Variants in EYS observed in about 807,000 individuals in gnomAD.
EYS encodes EGF-like photoreceptor maintenance factor.
In EYS, 250 loss-of-function variants were observed where a neutral mutation model predicts 282.1. That is an observed-to-expected ratio of 0.89 (90% CI 0.80 to 0.98). The LOEUF is 0.98. EYS is among the 50% of genes least tolerant of loss of function. The probability of loss-of-function intolerance (pLI) is 0.00; values close to 1 mark genes in which losing one functional copy is unlikely to be tolerated. For synonymous variants in EYS, 1,355 were observed against 1,282.9 expected, an observed-to-expected ratio of 1.06 and a Z score of -1.20; for missense variants, 4,016 against 3,709.0, an observed-to-expected ratio of 1.08 and a Z score of -2.15.
intron 40 of EYS, among the ~76,000 whole-genome samples, chr6:63,771,129 G>T (rs1238656558): frequency 1.3e-5 from 2 of 152,158 alleles, no homozygotes; most frequent in Non-Finnish European, 2.9e-5. Context: ...ATTAAGGAGA[G>T]AACTGTCTTT....
chr6:64,001,820 C>G (rs1292624098), intron 33 of EYS, among the ~76,000 whole-genome samples: 1 of 152,140 alleles, frequency 6.6e-6, no homozygotes, highest in Non-Finnish European at 1.5e-5. Flanking sequence ...ACCAGAGCTA[C>G]TTTTACTAAT....
chr6:63,808,878 C>T (rs1770970855), intron 36 of EYS, among the ~76,000 whole-genome samples: 2 of 152,086 alleles, frequency 1.3e-5, no homozygotes, highest in African/African-American at 4.8e-5. Flanking sequence ...ATCCGTTAAA[C>T]ATTGGGTTAA....
At position 65,084,913 on chromosome 6, in the gene EYS, A is replaced by G. The variant is rs757847071; in HGVS notation, c.2024-27186T>C. ...ATAAGAAAGAGGGTGTGTTGCTGGG[A>G]CAGTGAAACACCTCATCCTGCTGTC... On this transcript the variant is annotated intron_variant, in intron 12 of 42. Transcript: ENST00000503581. 7.5e-4 allele frequency among the ~76,000 whole-genome samples: 114 copies of G among 152,118 alleles called. 1 individual carries two copies. The highest frequency in any genetic ancestry group is 2.0e-3 in the Admixed American group (30 of 15,266).
At chr6:64,474,500 T>A (rs537254029) in intron 26 of EYS, among the ~76,000 whole-genome samples, 39 of 152,182 alleles carry the variant, frequency 2.6e-4, no homozygotes, top group Non-Finnish European at 5.1e-4. Flanking sequence ...AACTCTTCAG[T>A]CCTTTTGGCA....
intron 26 of EYS, among the ~76,000 whole-genome samples, chr6:64,539,567 T>C (rs1279566250): frequency 9.2e-5 from 14 of 152,042 alleles, no homozygotes; most frequent in Non-Finnish European, 1.8e-4. Flanking sequence ...TGAGACCCTG[T>C]CTTAAAGAAG....
intron 18 of EYS, among the ~76,000 whole-genome samples, chr6:64,898,644 AAGGCAC>A (rs992198389): frequency 6.6e-6 from 1 of 151,516 alleles, no homozygotes; most frequent in Non-Finnish European, 1.5e-5. Context: ...CCCCAGTTAA[AAGGCAC>A]AGACTGGCAA....
chr6:64,666,644 TGATATGACAA>T (rs1769238930), intron 22 of EYS, among the ~76,000 whole-genome samples: 4 of 152,224 alleles, frequency 2.6e-5, no homozygotes, highest in Non-Finnish European at 5.9e-5. Context: ...TATTTATAAC[TGATATGACAA>T]TGACTACTAA....
chr6:64,740,036 G>A (rs1772318711), intron 22 of EYS, among the ~76,000 whole-genome samples: 1 of 152,114 alleles, frequency 6.6e-6, no homozygotes, highest in Non-Finnish European at 1.5e-5. Flanking sequence ...GGTGGGGGGT[G>A]TATTTCTAGG....
intron 31 of EYS, among the ~76,000 whole-genome samples, chr6:64,103,913 T>C (rs999728906): frequency 6.6e-5 from 10 of 152,086 alleles, no homozygotes; most frequent in African/African-American, 2.4e-4. Flanking sequence ...GCAATGAGTA[T>C]GTTGTGGGTT....
intron 5 of EYS, among the ~76,000 whole-genome samples, chr6:65,443,658 C>T (rs1768526701): frequency 6.6e-6 from 1 of 151,184 alleles, no homozygotes; most frequent in Admixed American, 6.6e-5. Flanking sequence ...TGTCTATACA[C>T]ATATACGTAT....
At chr6:65,578,421 G>C (rs1024100370) in intron 2 of EYS, among the ~76,000 whole-genome samples, 11 of 151,792 alleles carry the variant, frequency 7.2e-5, no homozygotes, top group African/African-American at 2.4e-4. Flanking sequence ...TAGAAACAGA[G>C]TAAAATTGTT....
intron 19 of EYS, among the ~76,000 whole-genome samples, chr6:64,867,936 A>T (rs888588636): frequency 6.6e-6 from 1 of 151,570 alleles, no homozygotes; most frequent in Non-Finnish European, 1.5e-5. Flanking sequence ...CACTAAAAGT[A>T]TCATTAATTT....
intron 29 of EYS, among the ~76,000 whole-genome samples, chr6:64,351,286 A>C (rs1456520302): frequency 1.3e-5 from 2 of 151,488 alleles, no homozygotes; most frequent in South Asian, 4.1e-4. Flanking sequence ...AGTCTATGCA[A>C]GTTTTATTTT....
intron 31 of EYS, among the ~76,000 whole-genome samples, chr6:64,166,036 TATC>T (rs138769254): frequency 0.011 from 1,679 of 152,304 alleles, 29 homozygotes; most frequent in African/African-American, 0.038. Flanking sequence ...TTATTTTTGT[TATC>T]ATGGGAGCTA....
At chr6:64,389,739 C>A (rs1008235104) in intron 28 of EYS, among the ~76,000 whole-genome samples, 3 of 152,144 alleles carry the variant, frequency 2.0e-5, no homozygotes, top group African/African-American at 7.2e-5. Context: ...TAATCCTTTT[C>A]AAAATAATAG....
intron 12 of EYS, among the ~76,000 whole-genome samples, chr6:65,089,248 C>A (rs1774479754): frequency 6.6e-6 from 1 of 152,116 alleles, no homozygotes; most frequent in Admixed American, 6.6e-5. Context: ...TGACTAGCAC[C>A]TTACACTTGA....
intron 29 of EYS, among the ~76,000 whole-genome samples, chr6:64,378,553 C>G (rs1458936714): frequency 6.6e-6 from 1 of 151,962 alleles, no homozygotes; most frequent in African/African-American, 2.4e-5. Flanking sequence ...AATGAAATAT[C>G]AATGCTGGGG....
chr6:65,027,263 T>G (rs1772450319), intron 13 of EYS, among the ~76,000 whole-genome samples: 1 of 152,192 alleles, frequency 6.6e-6, no homozygotes, highest in African/African-American at 2.4e-5. Context: ...TTCCACATCA[T>G]TTAGTGATGT....
At chr6:63,757,656 C>G (rs1351145761) in intron 41 of EYS, among the ~76,000 whole-genome samples, 1 of 152,050 alleles carries the variant, frequency 6.6e-6, no homozygotes, top group Non-Finnish European at 1.5e-5. Flanking sequence ...CCCCCAGTGG[C>G]CCAGCTGTAA....
Sources: gnomAD v4.1 joint callset for allele counts (sites outside exome capture counted in the v4.1 genomes callset) on GRCh38, gnomAD v4.1.1 for gene constraint, MANE v1.5 for transcripts, NCBI Gene and HGNC (gene_info 2026-07-23, HGNC 2026-07-21) for gene names.